The following EYS variants were observed in gnomAD, a reference collection of about 807,000 sequenced individuals.
EYS encodes protein eyes shut homolog.
EYS carries 250 observed loss-of-function variants against 282.1 expected under a neutral mutation model. The ratio of observed to expected loss-of-function variants is 0.89; its 90% confidence interval spans 0.80 to 0.98. The LOEUF is 0.98. EYS is among the 50% of genes least tolerant of loss of function. EYS has a pLI of 0.00. For missense variants in EYS, 4,016 were observed against 3,709.0 expected (o/e 1.08, Z -2.15); for synonymous variants, 1,355 against 1,282.9 (o/e 1.06, Z -1.20).
intron 7 of EYS, among the ~76,000 whole-genome samples, chr6:65,387,571 A>C (rs1358777273): frequency 1.3e-5 from 2 of 151,950 alleles, no homozygotes; most frequent in Non-Finnish European, 2.9e-5. Flanking sequence ...AAAAATTAGA[A>C]AAAATATTTT....
chr6:64,385,888 T>A (rs1436172301), intron 29 of EYS, among the ~76,000 whole-genome samples: 1 of 152,132 alleles, frequency 6.6e-6, no homozygotes, highest in Non-Finnish European at 1.5e-5. Context: ...TCTTGTGACA[T>A]TTTTTTCCTT....
chr6:65,005,209 C>T lies in EYS; in HGVS notation c.2138-7506G>A, dbSNP rs554983394. Among the ~76,000 whole-genome samples, 58 of 148,160 alleles carry T rather than the reference C, an allele frequency of 3.9e-4. 6 individuals carry two copies. Among genetic ancestry groups the T allele is most frequent in the Middle Eastern group, 3.4e-3 (1 of 294 alleles). ...GCTGTGCTCCTGATCCAGCGAGGCGCCCATTGCCACTCCCGATCGGGCTAA... is the reference window on the plus strand; with the variant it reads ...GCTGTGCTCCTGATCCAGCGAGGCGTCCATTGCCACTCCCGATCGGGCTAA... On this transcript the variant is annotated intron_variant, in intron 13 of 42. Coordinates refer to ENST00000503581, the MANE Select transcript of EYS (RefSeq NM_001142800.2).
At chr6:64,598,334 G>C (rs901229038) in intron 24 of EYS, among the ~76,000 whole-genome samples, 1 of 152,126 alleles carries the variant, frequency 6.6e-6, no homozygotes, top group African/African-American at 2.4e-5. Context: ...GGTGGCGGGC[G>C]TCTGTAGTCC....
intron 31 of EYS, among the ~76,000 whole-genome samples, chr6:64,120,963 A>C (rs924715672): frequency 1.3e-5 from 2 of 152,182 alleles, no homozygotes; most frequent in African/African-American, 4.8e-5. Context: ...TTGCATTTGT[A>C]GGAGAGAAGT....
intron 29 of EYS, among the ~76,000 whole-genome samples, chr6:64,308,134 A>G (rs1582572634): frequency 6.6e-6 from 1 of 152,156 alleles, no homozygotes; most frequent in Non-Finnish European, 1.5e-5. Flanking sequence ...AGATATCAAA[A>G]CATTAAGAAG....
intron 30 of EYS, among the ~76,000 whole-genome samples, chr6:64,291,718 T>C (rs535811493): frequency 6.6e-6 from 1 of 152,256 alleles, no homozygotes; most frequent in Non-Finnish European, 1.5e-5. Flanking sequence ...TGTCTTTGTC[T>C]CTATTTTCTT....
At chr6:64,679,423 A>T (rs560709725) in intron 22 of EYS, among the ~76,000 whole-genome samples, 4 of 152,094 alleles carry the variant, frequency 2.6e-5, no homozygotes, top group Admixed American at 6.5e-5. Flanking sequence ...TTTTTTTCCC[A>T]CCAAGTCAAC....
intron 22 of EYS, among the ~76,000 whole-genome samples, chr6:64,805,837 G>A (rs1194900881): frequency 6.6e-6 from 1 of 151,086 alleles, no homozygotes; most frequent in Non-Finnish European, 1.5e-5. Context: ...AAATCCCAAG[G>A]AAATTTGAAA....
intron 35 of EYS, among the ~76,000 whole-genome samples, chr6:63,949,036 C>A (rs1451980712): frequency 2.6e-5 from 4 of 151,966 alleles, no homozygotes; most frequent in Non-Finnish European, 5.9e-5. Flanking sequence ...TTTTAATATA[C>A]AAAAATGAGC....
chr6:64,524,078 T>G (rs376602280), intron 26 of EYS, among the ~76,000 whole-genome samples: 3 of 151,730 alleles, frequency 2.0e-5, no homozygotes, highest in East Asian at 1.9e-4. Context: ...AGATCACACA[T>G]ATTAACAGCT....
chr6:63,773,961 G>A (rs1259287802), intron 40 of EYS, among the ~76,000 whole-genome samples: 1 of 152,048 alleles, frequency 6.6e-6, no homozygotes, highest in Non-Finnish European at 1.5e-5. Context: ...GCATTTATAA[G>A]ACAAAAAATA....
intron 41 of EYS, among the ~76,000 whole-genome samples, chr6:63,738,802 T>G (rs952759144): frequency 6.6e-6 from 1 of 152,160 alleles, no homozygotes; most frequent in Non-Finnish European, 1.5e-5. Context: ...TCCCTTGTAA[T>G]TCATTTCTAC....
At chr6:64,688,919 G>T (rs1342683748) in intron 22 of EYS, among the ~76,000 whole-genome samples, 1 of 151,796 alleles carries the variant, frequency 6.6e-6, no homozygotes, top group African/African-American at 2.4e-5. Flanking sequence ...ACAAGACAGT[G>T]ATGCCCTCTC....
At chr6:64,229,496 C>T (rs1766353279) in intron 31 of EYS, among the ~76,000 whole-genome samples, 1 of 152,124 alleles carries the variant, frequency 6.6e-6, no homozygotes, top group Non-Finnish European at 1.5e-5. Context: ...ACATGAAATA[C>T]TTTTCTCAAA....
chr6:64,759,550 T>A (rs1562176102), intron 22 of EYS, among the ~76,000 whole-genome samples: 2 of 152,308 alleles, frequency 1.3e-5, no homozygotes, highest in Admixed American at 1.3e-4. Flanking sequence ...CTTATGCTCT[T>A]AGTTCAACAT....
intron 26 of EYS, among the ~76,000 whole-genome samples, chr6:64,489,658 T>G (rs1776679745): frequency 6.7e-6 from 1 of 150,174 alleles, no homozygotes; most frequent in Non-Finnish European, 1.5e-5. Context: ...TTTAGGTACT[T>G]GTTAATGCAA....
intron 12 of EYS, among the ~76,000 whole-genome samples, chr6:65,263,979 C>T (rs185649217): frequency 3.9e-4 from 59 of 151,992 alleles, no homozygotes; most frequent in Non-Finnish European, 8.1e-4. Flanking sequence ...AAAAGCCAGT[C>T]ATGATGGTTA....
chr6:65,504,900 G>A (rs1465910361), intron 2 of EYS, among the ~76,000 whole-genome samples: 1 of 151,558 alleles, frequency 6.6e-6, no homozygotes, highest in Non-Finnish European at 1.5e-5. Context: ...TCTACTTTTG[G>A]AATTAGGGTA....
At position 64,529,013 on chromosome 6, in the gene EYS, C is replaced by T. The variant is rs146452468; in HGVS notation, c.5644+61210G>A. On this transcript the variant is annotated intron_variant, in intron 26 of 42. Coordinates refer to ENST00000503581, the MANE Select transcript of EYS (RefSeq NM_001142800.2). ...CTAGAGCAAGACATACAATGGTATA[C>T]AGAGTTTTTTGAATCTATTAGATCC... 3.9e-5 allele frequency among the ~76,000 whole-genome samples: 6 copies of T among 152,100 alleles called. No homozygotes were observed. In the East Asian group the frequency reaches 9.6e-4, roughly 24 times the overall value.
Sources: allele counts gnomAD v4.1 joint callset (sites outside exome capture counted in the v4.1 genomes callset), GRCh38; gene constraint gnomAD v4.1.1; transcripts MANE v1.5; gene names NCBI Gene and HGNC (gene_info 2026-07-23, HGNC 2026-07-21).